Variants in AQP3 observed in about 807,000 individuals in gnomAD.
AQP3 encodes aquaporin 3 (Gill blood group).
Under a neutral mutation model 30.3 loss-of-function variants are expected in AQP3, and 15 were observed. The observed-to-expected ratio is 0.49, with a 90% confidence interval of 0.33 to 0.76. The LOEUF is 0.76. Among genes scored for constraint, AQP3 ranks in the 30% least tolerant of loss-of-function variants. The probability of loss-of-function intolerance (pLI) is 0.02; values close to 1 mark genes in which losing one functional copy is unlikely to be tolerated. For synonymous variants in AQP3, 153 were observed against 163.2 expected (o/e 0.94, Z 0.47); for missense variants, 272 against 384.8 (o/e 0.71, Z 2.45).
At chr9:33,444,612 A>AG (rs1164836179) in intron 1 of AQP3, among the ~76,000 whole-genome samples, 1 of 151,950 alleles carries the variant, frequency 6.6e-6, no homozygotes, top group African/African-American at 2.4e-5. Context: ...AAAAAAAAAA[A>AG]AAAGAGTTGA....
At position 33,441,576 on chromosome 9, in the gene AQP3, C is replaced by A; in HGVS notation, c.*467G>T. 4.2e-6 allele frequency: 1 copy of A among 235,802 alleles called. No homozygotes were observed. The highest frequency in any genetic ancestry group is 8.2e-6 in the Non-Finnish European group (1 of 121,922). The allele number at this position is 235,802 out of a possible 1,614,324, so 14.6% of individuals were successfully genotyped here. A position where few individuals can be genotyped will look rare whatever the true frequency, so the allele number is the denominator to read the frequency against. Reference sequence around the variant, plus strand: ...TCTGCAGCTCCTCCATGTGAAGCCCCTGAAACATACACACCCTGGAACTTT... The same window carrying A: ...TCTGCAGCTCCTCCATGTGAAGCCCATGAAACATACACACCCTGGAACTTT... On this transcript the variant is annotated 3_prime_UTR_variant, in exon 6 of 6. Coordinates refer to ENST00000297991, the MANE Select transcript of AQP3 (RefSeq NM_004925.5).
intron 1 of AQP3, among the ~76,000 whole-genome samples, chr9:33,444,197 C>T (rs568100239): frequency 2.0e-5 from 3 of 152,296 alleles, no homozygotes; most frequent in South Asian, 4.1e-4. Flanking sequence ...TTTCAGCAGG[C>T]GTAGGTGTAG....
Position 33,443,956 on chromosome 9 carries a change from G to T in AQP3, c.109-64C>A. ...GCAACTCTCACTCCAGAAGGAAGGG[G>T]TGAAGCCAGCAACATGCCCACTCGC... On this transcript the variant is annotated intron_variant, in intron 1 of 5. Transcript: ENST00000297991. This position sits in a 1 kb window ranked among gnomAD's most constrained non-coding sequence, Gnocchi z 5.0. 6.3e-7 allele frequency: 1 copy of T among 1,580,712 alleles called. No individual in the cohort carries two copies. Among genetic ancestry groups the T allele is most frequent in the Admixed American group, 1.7e-5 (1 of 58,862 alleles).
intron 4 of AQP3, 148 bp from the exon 5 acceptor site, chr9:33,442,666 G>A (rs992422355): frequency 5.2e-5 from 57 of 1,102,794 alleles, no homozygotes; most frequent in Non-Finnish European, 6.5e-5. Context: ...GAATGTCTGC[G>A]TGACAAGAAC....
intron 1 of AQP3, among the ~76,000 whole-genome samples, chr9:33,445,437 C>A (rs554502392): frequency 3.3e-5 from 5 of 152,150 alleles, no homozygotes; most frequent in African/African-American, 1.2e-4. Flanking sequence ...GAGAAGCCAG[C>A]GGCAATGACA....
chr9:33,446,509 C>T (rs1357587767), intron 1 of AQP3, among the ~76,000 whole-genome samples: 5 of 152,138 alleles, frequency 3.3e-5, no homozygotes, highest in Non-Finnish European at 2.9e-5. Context: ...ACCACATGAG[C>T]GGCTGAAAAA....
chr9:33,441,626 G>A lies in AQP3; in HGVS notation c.*417C>T, dbSNP rs1296031082. Reference sequence around the variant, plus strand: ...TCCTCTCCTTATGCACAGATGGACAGGCTGCCTTCCCCTGTCTCTGGGCTC... The same window carrying A: ...TCCTCTCCTTATGCACAGATGGACAAGCTGCCTTCCCCTGTCTCTGGGCTC... On this transcript the variant is annotated 3_prime_UTR_variant, in exon 6 of 6. Transcript: ENST00000297991. 1 of 354,104 alleles carries A rather than the reference G, an allele frequency of 2.8e-6. No homozygotes were observed. Among genetic ancestry groups the A allele is most frequent in the African/African-American group, 2.1e-5 (1 of 48,296 alleles). 21.9% of individuals were successfully genotyped at this position (354,104 alleles called of 1,614,324 possible). A position where few individuals can be genotyped will look rare whatever the true frequency, so the allele number is the denominator to read the frequency against.
Position 33,442,137 on chromosome 9 carries a change from T to C in AQP3, c.785A>G (p.Gln262Arg). Residue 262 changes from glutamine (Q) to arginine (R), a missense_variant, in exon 6 of 6, where the codon CAG (glutamine) becomes CGG (arginine). This residue lies in a region of AQP3 where 51 missense variants were observed against 51.8 expected (regional missense o/e 0.98). Coordinates refer to ENST00000297991, the MANE Select transcript of AQP3 (RefSeq NM_004925.5). ...CTCCAGGTGGCAGCCGATCATCAGC[T>C]GGTACACGAAGACACCCGCAATGGA... ...LGSIAGVFVY[Q>R]LMIGCHLEQP... 6.2e-7 allele frequency: 1 copy of C among 1,613,526 alleles called. No individual in the cohort carries two copies. Among genetic ancestry groups the C allele is most frequent in the Non-Finnish European group, 8.5e-7 (1 of 1,180,022 alleles).
In AQP3 at chr9:33,442,834, C is replaced by T. The variant is rs762049664; in HGVS notation, c.492+18G>A. On this transcript the variant is annotated intron_variant, in intron 4 of 5. Transcript: ENST00000297991. Reference sequence around the variant, plus strand: ...CGGTCCCCTCCCTGCGTTCCCCTCACACGTCCCCAGCCCATACCTGGTCAA... The same window carrying T: ...CGGTCCCCTCCCTGCGTTCCCCTCATACGTCCCCAGCCCATACCTGGTCAA... 6.2e-7 allele frequency: 1 copy of T among 1,610,322 alleles called. No individual in the cohort carries two copies. Among genetic ancestry groups the T allele is most frequent in the Non-Finnish European group, 8.5e-7 (1 of 1,176,512 alleles).
At position 33,442,037 on chromosome 9, in the gene AQP3, G is replaced by A. The variant is rs1279487358; in HGVS notation, c.*6C>T. On this transcript the variant is annotated 3_prime_UTR_variant, in exon 6 of 6. Coordinates refer to ENST00000297991, the MANE Select transcript of AQP3 (RefSeq NM_004925.5). ...GCAGCGGAGTGGGGAGATGGCCCCT[G>A]CCCACTCAGATCTGCTCCTTGTGCT... 6.2e-7 allele frequency: 1 copy of A among 1,612,686 alleles called. No individual in the cohort carries two copies.
intron 1 of AQP3, among the ~76,000 whole-genome samples, chr9:33,444,202 G>C (rs886665233): frequency 6.6e-6 from 1 of 152,216 alleles, no homozygotes; most frequent in Non-Finnish European, 1.5e-5. Context: ...GCAGGCGTAG[G>C]TGTAGGGGAA....
rs763291383 is a variant in AQP3 at position 33,442,478 on chromosome 9, A to G, written c.533T>C (p.Ile178Thr). The change falls in exon 5 of 6, where the codon ATT becomes ACT. Residue 178 changes from isoleucine (I) to threonine (T), a missense_variant. By Grantham distance (89) the Ile-to-Thr change is moderately conservative. Transcript: ENST00000297991. ...TASLIVCVLAIVDPYNNPVPR... is the reference protein window; with the variant it reads ...TASLIVCVLATVDPYNNPVPR... ...GACGGGGTTGTTGTAGGGGTCAACA[A>G]TGGCCAGCACACACACGATAAGGGA... 1.2e-6 allele frequency: 2 copies of G among 1,611,184 alleles called. No individual in the cohort carries two copies. The highest frequency in any genetic ancestry group is 1.7e-6 in the Non-Finnish European group (2 of 1,179,168).
At position 33,443,581 on chromosome 9, in the gene AQP3, G is replaced by C. The variant is rs1392687873; in HGVS notation, c.236-123C>G. On this transcript the variant is annotated intron_variant, in intron 2 of 5. Coordinates refer to ENST00000297991, the MANE Select transcript of AQP3 (RefSeq NM_004925.5). The surrounding 1 kb of genome is among the most constrained non-coding windows in gnomAD (Gnocchi z 5.0). ...GGATGGCGGTTGGTCTATGTAACAG[G>C]TCAGCTGATAATCTCTGATTCCAAG... The C allele has an allele frequency of 1.4e-6, 2 of 1,455,868 alleles. No individual in the cohort carries two copies. The highest frequency in any genetic ancestry group is 4.0e-5 in the Admixed American group (2 of 50,614). The allele number at this position is 1,455,868 out of a possible 1,614,324, so 90.2% of individuals were successfully genotyped here.
Position 33,447,568 on chromosome 9 carries a change from T to A in AQP3, c.-38A>T. On this transcript the variant is annotated 5_prime_UTR_variant, in exon 1 of 6. Transcript: ENST00000297991. Reference sequence around the variant, plus strand: ...GGCGGCGCTGTCGGGCGGGCAGGGGTGGCGGGAGGCGGTGGCGCAGCGAGC... The same window carrying A: ...GGCGGCGCTGTCGGGCGGGCAGGGGAGGCGGGAGGCGGTGGCGCAGCGAGC... The A allele has an allele frequency of 6.7e-7, 1 of 1,501,458 alleles. No individual in the cohort carries two copies. The highest frequency in any genetic ancestry group is 9.1e-7 in the Non-Finnish European group (1 of 1,101,150). The allele number at this position is 1,501,458 out of a possible 1,614,324, so 93.0% of individuals were successfully genotyped here.
chr9:33,444,016 C>T, intron 1 of AQP3, 124 bp from the exon 2 acceptor site: 1 of 1,224,748 alleles, frequency 8.2e-7, no homozygotes, highest in Non-Finnish European at 1.1e-6. Flanking sequence ...TTCCTGGAAC[C>T]CAGCCCAAAC....
chr9:33,442,901 G>A lies in AQP3; in HGVS notation c.443C>T (p.Ala148Val). Reference sequence around the variant, plus strand: ...ATCCAAGTGTCCAGAGGGGTAGGTAGCAAAGATGCCGGCTGTGCCATTGGG... The same window carrying A: ...ATCCAAGTGTCCAGAGGGGTAGGTAACAAAGATGCCGGCTGTGCCATTGGG... ...SGPNGTAGIF[A>V]TYPSGHLDMI... Residue 148 changes from alanine (A) to valine (V), a missense_variant, in exon 4 of 6, where the codon GCT (alanine) becomes GTT (valine). Ala to Val is a moderately conservative substitution (Grantham distance 64). Around this residue, in one of 3 missense-constraint regions of AQP3, gnomAD observed 170 missense variants for 286.4 expected, o/e 0.59. Coordinates refer to ENST00000297991, the MANE Select transcript of AQP3 (RefSeq NM_004925.5). 6.2e-7 allele frequency: 1 copy of A among 1,614,242 alleles called. No homozygotes were observed. The highest frequency in any genetic ancestry group is 2.2e-5 in the East Asian group (1 of 44,892).
Position 33,441,757 on chromosome 9 carries a change from A to G in AQP3, c.*286T>C. On this transcript the variant is annotated 3_prime_UTR_variant, in exon 6 of 6. Coordinates refer to ENST00000297991, the MANE Select transcript of AQP3 (RefSeq NM_004925.5). ...CACACATGCACACACATGCACACAC[A>G]TGCACACACACACATACCTGCTGCC... 1 of 577,400 alleles carries G rather than the reference A, an allele frequency of 1.7e-6. No homozygotes were observed. The highest frequency in any genetic ancestry group is 3.1e-6 in the Non-Finnish European group (1 of 326,606). The allele number at this position is 577,400 out of a possible 1,614,324, so 35.8% of individuals were successfully genotyped here. A position where few individuals can be genotyped will look rare whatever the true frequency, so the allele number is the denominator to read the frequency against.
At chr9:33,442,812 T>A (rs1271904599) in intron 4 of AQP3, 40 bp downstream of exon 4, 2 of 1,583,918 alleles carry the variant, frequency 1.3e-6, no homozygotes, top group Non-Finnish European at 1.7e-6. Context: ...GGCAACTCGG[T>A]CCCCTCCCTG....
Position 33,443,368 on chromosome 9 carries a change from G to A in AQP3, c.326C>T (p.Thr109Met), listed in dbSNP as rs761390305. 51 of 1,598,618 alleles carry A rather than the reference G, an allele frequency of 3.2e-5. 1 individual carries two copies. The highest frequency in any genetic ancestry group is 1.6e-4 in the East Asian group (7 of 44,226). The change falls in exon 3 of 6, where the codon ACG becomes ATG. Residue 109 changes from threonine (T) to methionine (M), a missense_variant. This residue lies in a region of AQP3 where 170 missense variants were observed against 286.4 expected (regional missense o/e 0.59). Transcript: ENST00000297991. This position sits in a 1 kb window ranked among gnomAD's most constrained non-coding sequence, Gnocchi z 5.0. ...TCCAGCACCCAAGAAGGCTCCCAGC[G>A]TCTGTGCCAGGGTGTAGATGGGCAG... ...IKLPIYTLAQTLGAFLGAGIV... is the reference protein window; with the variant it reads ...IKLPIYTLAQMLGAFLGAGIV...
Sources: gnomAD v4.1 joint callset for allele counts (sites outside exome capture counted in the v4.1 genomes callset) on GRCh38, gnomAD v4.1.1 for gene constraint, gnomAD v4.1.1 regional missense constraint, Gnocchi (gnomAD v3.1) non-coding constraint, MANE v1.5 for transcripts, NCBI Gene and HGNC (gene_info 2026-07-23, HGNC 2026-07-21) for gene names.